The following RASGRF1 variants were observed in gnomAD, a reference collection of about 807,000 sequenced individuals.
RASGRF1 encodes the protein Ras protein specific guanine nucleotide releasing factor 1, also known as ras-specific guanine nucleotide-releasing factor 1.
RASGRF1 carries 40 observed loss-of-function variants against 138.7 expected under a neutral mutation model. That is an observed-to-expected ratio of 0.29 (90% confidence interval 0.22 to 0.38). The LOEUF (loss-of-function observed/expected upper bound fraction) is 0.38. RASGRF1 is among the 10% of genes least tolerant of loss of function. RASGRF1 has a pLI of 1.00. For synonymous variants in RASGRF1, 614 were observed against 663.2 expected (o/e 0.93, Z 1.14); for missense variants, 1,108 against 1,650.4 (o/e 0.67, Z 5.69).
At position 79,006,516 on chromosome 15, in the gene RASGRF1, TC is replaced by T. The variant is rs1370070065; in HGVS notation, c.1827-83del. 18 of 1,482,108 alleles carry T rather than the reference TC, an allele frequency of 1.2e-5. No individual in the cohort carries two copies. The highest frequency in any genetic ancestry group is 1.6e-5 in the Non-Finnish European group (18 of 1,093,972). The allele number at this position is 1,482,108 out of a possible 1,614,324, so 91.8% of individuals were successfully genotyped here. On this transcript the variant is annotated intron_variant, in intron 13 of 26. Transcript: ENST00000558480. The surrounding 1 kb of genome is among the most constrained non-coding windows in gnomAD (Gnocchi z 4.0). ...CCCACCAGGCCTGCTCATCACTGCT[TC>T]CCCCACACACTGACAACACAGGATG...
chr15:78,970,637 A>G (rs1340883953), intron 26 of RASGRF1, among the ~76,000 whole-genome samples: 5 of 150,590 alleles, frequency 3.3e-5, no homozygotes, highest in Admixed American at 2.0e-4. Flanking sequence ...AAAAAAAAAA[A>G]AAAAAAAAGA....
chr15:79,061,430 A>ATATATATATATATATATATATATATATC (rs933269711), intron 2 of RASGRF1, among the ~76,000 whole-genome samples: 5 of 147,226 alleles, frequency 3.4e-5, no homozygotes, highest in African/African-American at 1.2e-4. Context: ...ATATATATAT[A>ATATATATATATATATATATATATATATC]TCATTCATTT....
chr15:79,007,744 G>A (rs752643293), intron 13 of RASGRF1, among the ~76,000 whole-genome samples: 82 of 151,604 alleles, frequency 5.4e-4, no homozygotes, highest in Admixed American at 2.5e-3. Flanking sequence ...GTAGAGACAC[G>A]GTTTCACCAT....
chr15:79,045,116 G>C (rs576458371), intron 5 of RASGRF1, among the ~76,000 whole-genome samples: 10 of 152,274 alleles, frequency 6.6e-5, no homozygotes, highest in African/African-American at 2.4e-4. Context: ...AAGGAGTCAT[G>C]GTGGAGATAA....
chr15:79,031,588 G>A, intron 7 of RASGRF1, 79 bp from the exon 8 acceptor site: 1 of 546,382 alleles, frequency 1.8e-6, no homozygotes, highest in South Asian at 1.8e-5. Flanking sequence ...GGCAGACAGG[G>A]AGTGAGCAAG....
intron 10 of RASGRF1, among the ~76,000 whole-genome samples, chr15:79,022,475 C>T (rs2056975301): frequency 6.7e-6 from 1 of 149,038 alleles, no homozygotes; most frequent in East Asian, 2.0e-4. Context: ...CAAAAACCCC[C>T]ACAAAAAAAC....
intron 20 of RASGRF1, 49 bp downstream of exon 20, chr15:78,995,691 G>A (rs769751685): frequency 3.7e-6 from 6 of 1,603,016 alleles, no homozygotes; most frequent in Non-Finnish European, 5.1e-6. Context: ...TCCTGGGCAG[G>A]AGGATGGGGA....
At chr15:79,056,991 C>T (rs1372921948) in intron 3 of RASGRF1, among the ~76,000 whole-genome samples, 9 of 152,194 alleles carry the variant, frequency 5.9e-5, no homozygotes, top group Admixed American at 5.9e-4. Context: ...TTCCTACCTC[C>T]CACCGCTTTT....
chr15:79,001,166 C>T (rs1388155628), intron 16 of RASGRF1, among the ~76,000 whole-genome samples: 2 of 152,226 alleles, frequency 1.3e-5, no homozygotes, highest in East Asian at 3.9e-4. Flanking sequence ...ATTTGAAACA[C>T]CTAGCCTTTT....
At chr15:79,072,225 C>G (rs980314232) in intron 1 of RASGRF1, among the ~76,000 whole-genome samples, 1 of 132,704 alleles carries the variant, frequency 7.5e-6, no homozygotes, top group Non-Finnish European at 1.6e-5. Context: ...GGGTGGTGGT[C>G]TGGAGCAGTT....
intron 1 of RASGRF1, among the ~76,000 whole-genome samples, chr15:79,077,808 G>A (rs529757523): frequency 1.8e-4 from 27 of 149,692 alleles, no homozygotes; most frequent in African/African-American, 6.4e-4. Context: ...CCATCAAACA[G>A]TCCCCTCTGA....
At chr15:79,065,915 CGGG>C (rs1288169274) in intron 1 of RASGRF1, among the ~76,000 whole-genome samples, 1 of 102,424 alleles carries the variant, frequency 9.8e-6, no homozygotes. Context: ...AAGTGGGGGG[CGGG>C]GGGAATGAGT....
Position 79,058,448 on chromosome 15 carries a change from T to G in RASGRF1, c.417A>C (p.Leu139Phe). 6.2e-7 allele frequency: 1 copy of G among 1,614,204 alleles called. No homozygotes were observed. ...GCAGCAGGTGCAGGTATTTCTGCATTAATGCCTCATGCTCTGTGGCGAGGG... is the reference window on the plus strand; with the variant it reads ...GCAGCAGGTGCAGGTATTTCTGCATGAATGCCTCATGCTCTGTGGCGAGGG... ...YRTLATEHEALMQKYLHLLQI... is the reference protein window; with the variant it reads ...YRTLATEHEAFMQKYLHLLQI... The change falls in exon 3 of 27, where the codon TTA (leucine) becomes TTC (phenylalanine). Residue 139 changes from leucine (L) to phenylalanine (F), a missense_variant. Leu to Phe is a conservative substitution (Grantham distance 22, BLOSUM62 0). Coordinates refer to ENST00000558480, the MANE Select transcript of RASGRF1 (RefSeq NM_001145648.3).
Position 78,973,488 on chromosome 15 carries a change from A to C in RASGRF1, c.3495-68T>G. The C allele has an allele frequency of 1.7e-6, 2 of 1,182,562 alleles. No individual in the cohort carries two copies. The highest frequency in any genetic ancestry group is 2.5e-6 in the Non-Finnish European group (2 of 804,638). The allele number at this position is 1,182,562 out of a possible 1,614,324, so 73.3% of individuals were successfully genotyped here. ...AAGTAACGTCTACCAAGAACAGAAC[A>C]TCCCGCATGCACCTTTTGCTTTGCT... On this transcript the variant is annotated intron_variant, in intron 24 of 26. Coordinates refer to ENST00000558480, the MANE Select transcript of RASGRF1 (RefSeq NM_001145648.3). The surrounding 1 kb of genome is among the most constrained non-coding windows in gnomAD (Gnocchi z 4.9).
At chr15:79,000,023 G>A in intron 16 of RASGRF1, 110 bp from the exon 17 acceptor site, 1 of 1,165,610 alleles carries the variant, frequency 8.6e-7, no homozygotes, top group Non-Finnish European at 1.2e-6. Context: ...AGCAGGCTGT[G>A]TCTTCAGGGT....
chr15:78,979,990 C>G (rs990854608), intron 24 of RASGRF1, among the ~76,000 whole-genome samples: 1 of 152,238 alleles, frequency 6.6e-6, no homozygotes, highest in Non-Finnish European at 1.5e-5. Context: ...GCCAGAGATG[C>G]TGCTAAAGAT....
chr15:78,995,813 G>A lies in RASGRF1; in HGVS notation c.2967-13C>T, dbSNP rs769687966. The A allele has an allele frequency of 7.4e-6, 12 of 1,613,888 alleles. No individual in the cohort carries two copies. Among genetic ancestry groups the A allele is most frequent in the East Asian group, 4.5e-5 (2 of 44,894 alleles). ...CTGGGTCAGAGTCCTAGGCAGGAGC[G>A]AGAAGGCACGGTGAGCCCCACTTCA... On this transcript the variant is annotated splice_polypyrimidine_tract_variant and intron_variant, in intron 19 of 26. Coordinates refer to ENST00000558480, the MANE Select transcript of RASGRF1 (RefSeq NM_001145648.3).
chr15:79,083,461 G>T (rs2057940048), intron 1 of RASGRF1, among the ~76,000 whole-genome samples: 1 of 152,194 alleles, frequency 6.6e-6, no homozygotes, highest in Non-Finnish European at 1.5e-5. Context: ...GTGGGGTGTG[G>T]ATGCCTGCCT....
intron 13 of RASGRF1, among the ~76,000 whole-genome samples, chr15:79,012,690 C>T (rs747622488): frequency 6.6e-5 from 10 of 152,116 alleles, no homozygotes; most frequent in Non-Finnish European, 1.3e-4. Context: ...TCCGCACTCT[C>T]TCTTTTTTTT....
Sources: allele counts gnomAD v4.1 joint callset (sites outside exome capture counted in the v4.1 genomes callset), GRCh38; gene constraint gnomAD v4.1.1; non-coding constraint Gnocchi (gnomAD v3.1); transcripts MANE v1.5; gene names NCBI Gene and HGNC (gene_info 2026-07-23, HGNC 2026-07-21).